MTBP: variants seen among roughly 807,000 people sequenced by gnomAD.
MTBP encodes mdm2-binding protein.
In MTBP, 101 loss-of-function variants were observed where a neutral mutation model predicts 117.0. That is an observed-to-expected ratio of 0.86 (90% CI 0.73 to 1.02). The LOEUF (loss-of-function observed/expected upper bound fraction) is 1.02. Among genes scored for constraint, MTBP ranks in the 50% least tolerant of loss-of-function variants. The pLI is 0.00. For synonymous variants in MTBP, 350 were observed against 351.5 expected (o/e 1.00, Z 0.05); for missense variants, 970 against 1,030.9 (o/e 0.94, Z 0.81).
intron 10 of MTBP, among the ~76,000 whole-genome samples, chr8:120,468,304 G>C (rs1813743228): frequency 6.6e-6 from 1 of 151,936 alleles, no homozygotes; most frequent in Non-Finnish European, 1.5e-5. Flanking sequence ...AGTAATTATG[G>C]TTTCAGACCA....
intron 4 of MTBP, 145 bp from the exon 5 acceptor site, chr8:120,453,702 A>G: frequency 5.1e-6 from 2 of 393,168 alleles, no homozygotes; most frequent in Non-Finnish European, 9.1e-6. Flanking sequence ...ACCTCCTGGA[A>G]TTGTCATAAA....
chr8:120,503,012 A>G (rs1472042524), intron 15 of MTBP, among the ~76,000 whole-genome samples: 3 of 152,342 alleles, frequency 2.0e-5, no homozygotes, highest in East Asian at 1.9e-4. Flanking sequence ...TACAGTGCCT[A>G]TGAATGAACT....
At chr8:120,449,533 A>C (rs1056765148) in intron 2 of MTBP, among the ~76,000 whole-genome samples, 2 of 152,170 alleles carry the variant, frequency 1.3e-5, no homozygotes, top group African/African-American at 4.8e-5. Flanking sequence ...TGGCAAAAAA[A>C]CCCAATTATT....
chr8:120,451,617 G>C (rs927888435), intron 4 of MTBP: 22 of 287,756 alleles, frequency 7.6e-5, no homozygotes, highest in Non-Finnish European at 1.4e-4. Context: ...GGGTCTTGCT[G>C]TGTCACCCAG....
rs920569543 is a variant in MTBP, at chr8:120,521,483, C to A, written c.2611-1171C>A. 7.3e-4 allele frequency among the ~76,000 whole-genome samples: 111 copies of A among 152,142 alleles called. 1 individual carries two copies. Among genetic ancestry groups the A allele is most frequent in the African/African-American group, 2.6e-3 (106 of 41,560 alleles). ...CCTGAATCCATCCATGACGTTCTCCCTAACATCAGTTCTCCCTAACATCAG... is the reference window on the plus strand; with the variant it reads ...CCTGAATCCATCCATGACGTTCTCCATAACATCAGTTCTCCCTAACATCAG... On this transcript the variant is annotated intron_variant, in intron 20 of 21. Coordinates refer to ENST00000305949, the MANE Select transcript of MTBP (RefSeq NM_022045.5).
intron 20 of MTBP, among the ~76,000 whole-genome samples, chr8:120,520,446 A>G (rs76677905): frequency 0.031 from 4,702 of 152,278 alleles, 107 homozygotes; most frequent in Non-Finnish European, 0.048. Context: ...TGCTAATAAT[A>G]TGAATTTTGT....
chr8:120,470,671 C>A (rs1813797548), intron 10 of MTBP, 149 bp from the exon 11 acceptor site: 1 of 557,368 alleles, frequency 1.8e-6, no homozygotes, highest in Non-Finnish European at 3.1e-6. Flanking sequence ...ATTGTTCTTA[C>A]TTTTTAGTTT....
chr8:120,465,894 A>T (rs1247880938), intron 10 of MTBP, among the ~76,000 whole-genome samples: 2 of 152,104 alleles, frequency 1.3e-5, no homozygotes, highest in African/African-American at 4.8e-5. Flanking sequence ...TAACATAAGC[A>T]TTAGTCCATC....
At chr8:120,513,234 T>C (rs988095470) in intron 17 of MTBP, among the ~76,000 whole-genome samples, 2 of 152,072 alleles carry the variant, frequency 1.3e-5, no homozygotes, top group Non-Finnish European at 2.9e-5. Context: ...TCCAAGAGAT[T>C]TGGCAGTTCC....
At chr8:120,492,210 A>G (rs892742491) in intron 13 of MTBP, among the ~76,000 whole-genome samples, 1 of 152,190 alleles carries the variant, frequency 6.6e-6, no homozygotes, top group Non-Finnish European at 1.5e-5. Context: ...TCTATTTATG[A>G]TGAAAATACT....
intron 17 of MTBP, 150 bp from the exon 18 acceptor site, chr8:120,515,775 G>A: frequency 1.5e-6 from 1 of 676,058 alleles, no homozygotes; most frequent in Non-Finnish European, 2.4e-6. Context: ...AACTTGGGAG[G>A]GAAATAGGCC....
chr8:120,517,699 G>A, intron 18 of MTBP, 152 bp from the exon 19 acceptor site: 1 of 611,794 alleles, frequency 1.6e-6, no homozygotes, highest in Non-Finnish European at 2.7e-6. Flanking sequence ...AATAACAGTG[G>A]TATAATATAG....
At chr8:120,466,248 A>G (rs1211810605) in intron 10 of MTBP, among the ~76,000 whole-genome samples, 19 of 118,540 alleles carry the variant, frequency 1.6e-4, no homozygotes, top group African/African-American at 5.3e-4. Context: ...GTCTCGCTCT[A>G]TTGCCCAGGC....
intron 11 of MTBP, chr8:120,471,549 T>A (rs1302521389): frequency 6.6e-6 from 1 of 152,244 alleles, no homozygotes; most frequent in Non-Finnish European, 1.5e-5. Flanking sequence ...GTGATTCACC[T>A]GCCTCCGCCT....
chr8:120,473,254 G>T (rs974104578), intron 11 of MTBP: 1 of 151,962 alleles, frequency 6.6e-6, no homozygotes, highest in Non-Finnish European at 1.5e-5. Context: ...ATTCGTGGTT[G>T]GTTGAATCCA....
intron 11 of MTBP, among the ~76,000 whole-genome samples, chr8:120,474,223 G>C (rs1468523711): frequency 6.6e-6 from 1 of 151,698 alleles, no homozygotes; most frequent in Non-Finnish European, 1.5e-5. Flanking sequence ...TACTGATTAG[G>C]CTGGATCATT....
chr8:120,523,378 G>A lies in MTBP; in HGVS notation c.*42G>A, dbSNP rs1261346516. The A allele has an allele frequency of 2.4e-6, 3 of 1,257,736 alleles. No homozygotes were observed. Among genetic ancestry groups the A allele is most frequent in the Non-Finnish European group, 2.2e-6 (2 of 906,548 alleles). 77.9% of individuals were successfully genotyped at this position (1,257,736 alleles called of 1,614,324 possible). On this transcript the variant is annotated 3_prime_UTR_variant, in exon 22 of 22. Coordinates refer to ENST00000305949, the MANE Select transcript of MTBP (RefSeq NM_022045.5). ...TTAAGACAATTATAAATTGGATGGA[G>A]CTATTATTCACTACTTCTTTTCTTA...
chr8:120,477,823 A>G (rs185126092), intron 11 of MTBP, among the ~76,000 whole-genome samples: 2 of 152,310 alleles, frequency 1.3e-5, no homozygotes, highest in African/African-American at 4.8e-5. Flanking sequence ...AATTAGTTCA[A>G]CCATTGTGGA....
intron 11 of MTBP, among the ~76,000 whole-genome samples, chr8:120,478,897 T>G (rs1354844163): frequency 6.6e-6 from 1 of 152,168 alleles, no homozygotes; most frequent in Non-Finnish European, 1.5e-5. Context: ...CACCATGGAC[T>G]ACTATGCAGC....
Sources: gnomAD v4.1 joint callset for allele counts (sites outside exome capture counted in the v4.1 genomes callset) on GRCh38, gnomAD v4.1.1 for gene constraint, MANE v1.5 for transcripts, NCBI Gene and HGNC (gene_info 2026-07-23, HGNC 2026-07-21) for gene names.